ADAMTS17: variants seen among roughly 807,000 people sequenced by gnomAD.
ADAMTS17 encodes the protein ADAM metallopeptidase with thrombospondin type 1 motif 17.
A neutral mutation model predicts 141.5 loss-of-function variants in ADAMTS17; 113 were observed. That is an observed-to-expected ratio of 0.80 (90% CI 0.69 to 0.93). ADAMTS17 has a LOEUF of 0.93. Ranked by LOEUF, ADAMTS17 falls within the 40% of genes least tolerant of loss-of-function variation. The probability of loss-of-function intolerance (pLI) is 0.00; values close to 1 mark genes in which losing one functional copy is unlikely to be tolerated. For missense variants in ADAMTS17, 1,659 were observed against 1,517.9 expected (o/e 1.09, Z -1.54); for synonymous variants, 768 against 630.6 (o/e 1.22, Z -3.27).
At chr15:100,281,084 T>G (rs946510278) in intron 4 of ADAMTS17, 145 bp downstream of exon 4, 1 of 1,201,254 alleles carries the variant, frequency 8.3e-7, no homozygotes, top group African/African-American at 1.5e-5. Context: ...CCCTCCTCAA[T>G]GCCCAGAATT....
chr15:100,211,312 A>C, intron 7 of ADAMTS17, among the ~76,000 whole-genome samples: 1 of 150,556 alleles, frequency 6.6e-6, no homozygotes, highest in African/African-American at 2.4e-5. Flanking sequence ...AAAAAAAAAA[A>C]AAAAAAAAGT....
intron 19 of ADAMTS17, among the ~76,000 whole-genome samples, chr15:99,996,758 C>G (rs1292955559): frequency 6.6e-6 from 1 of 151,964 alleles, no homozygotes; most frequent in Non-Finnish European, 1.5e-5. Context: ...GGAAGCCTGC[C>G]CTTTATTCAG....
intron 2 of ADAMTS17, among the ~76,000 whole-genome samples, chr15:100,331,801 C>A (rs1466862174): frequency 2.6e-5 from 4 of 152,180 alleles, no homozygotes; most frequent in African/African-American, 9.7e-5. Context: ...ACCCCTGGTT[C>A]TCAAAGCCTA....
chr15:100,114,938 G>A (rs537697079), intron 13 of ADAMTS17, among the ~76,000 whole-genome samples: 2 of 152,360 alleles, frequency 1.3e-5, no homozygotes, highest in Admixed American at 1.3e-4. Flanking sequence ...GGATTTCTGT[G>A]CTGAATAAAT....
rs1224258811 is a variant in ADAMTS17 at position 99,997,466 on chromosome 15, G to A, written c.2715C>T (p.Cys905=). The change falls in exon 19 of 22, where the codon TGC becomes TGT. Residue 905 remains cysteine (C), a synonymous_variant. Coordinates refer to ENST00000268070, the MANE Select transcript of ADAMTS17 (RefSeq NM_139057.4). The surrounding 1 kb of genome is among the most constrained non-coding windows in gnomAD (Gnocchi z 4.7). ...GTHVATRPLY[C]PGPRPAAVQS... ...GCACTGCCGCCGGCCGGGGGCCCGG[G>A]CAGTAGAGGGGCCGCGTAGCGACGT... 1.2e-6 allele frequency: 2 copies of A among 1,613,472 alleles called. No individual in the cohort carries two copies. Among genetic ancestry groups the A allele is most frequent in the Non-Finnish European group, 1.7e-6 (2 of 1,179,986 alleles).
At chr15:100,130,498 A>G (rs2037983323) in intron 12 of ADAMTS17, among the ~76,000 whole-genome samples, 2 of 152,208 alleles carry the variant, frequency 1.3e-5, no homozygotes, top group South Asian at 4.1e-4. Flanking sequence ...TGCTGGGAAA[A>G]TGGTGCTCCT....
intron 10 of ADAMTS17, among the ~76,000 whole-genome samples, chr15:100,151,157 G>A (rs2039143917): frequency 6.6e-6 from 1 of 152,174 alleles, no homozygotes. Flanking sequence ...TCCAGTGGGA[G>A]GCTGACATGG....
At chr15:100,041,845 G>C (rs554466448) in intron 18 of ADAMTS17, among the ~76,000 whole-genome samples, 8 of 152,258 alleles carry the variant, frequency 5.3e-5, no homozygotes, top group African/African-American at 1.9e-4. Context: ...ATGGAAAAAG[G>C]GTTGAAGAAA....
chr15:100,052,159 TG>T (rs1159419397), intron 16 of ADAMTS17, among the ~76,000 whole-genome samples: 2 of 152,200 alleles, frequency 1.3e-5, no homozygotes, highest in Non-Finnish European at 2.9e-5. Flanking sequence ...TCAGAGCAAT[TG>T]GGGTGACTCT....
At chr15:100,254,448 TGAAAATGTTTTG>T (rs1044283025) in intron 6 of ADAMTS17, among the ~76,000 whole-genome samples, 9 of 152,194 alleles carry the variant, frequency 5.9e-5, no homozygotes, top group African/African-American at 2.2e-4. Flanking sequence ...TTTCAGCAGC[TGAAAATGTTTTG>T]GAAGATGTTT....
At chr15:100,244,592 C>T (rs966429179) in intron 7 of ADAMTS17, among the ~76,000 whole-genome samples, 20 of 152,058 alleles carry the variant, frequency 1.3e-4, no homozygotes, top group African/African-American at 4.3e-4. Context: ...TGCCTGTCCC[C>T]GCTTCTCATG....
rs559742348 is a variant in ADAMTS17, at chr15:100,091,413, T to C, written c.2137+4943A>G. Among the ~76,000 whole-genome samples, 48 of 152,260 alleles carry C rather than the reference T, an allele frequency of 3.2e-4. No homozygotes were observed. In the South Asian group the frequency reaches 8.1e-3, roughly 26 times the overall value. ...CAGGAGAAATCCAGTTACAGGAACA[T>C]GATTTGGTTTCATGAGGAAGCCATG... On this transcript the variant is annotated intron_variant, in intron 15 of 21. Coordinates refer to ENST00000268070, the MANE Select transcript of ADAMTS17 (RefSeq NM_139057.4).
intron 15 of ADAMTS17, among the ~76,000 whole-genome samples, chr15:100,072,779 T>C (rs1213209052): frequency 3.3e-5 from 5 of 152,138 alleles, no homozygotes; most frequent in African/African-American, 7.2e-5. Context: ...AAGACTTAAA[T>C]GTTAGATCTA....
At chr15:100,205,802 C>CA (rs2041524092) in intron 7 of ADAMTS17, among the ~76,000 whole-genome samples, 1 of 152,194 alleles carries the variant, frequency 6.6e-6, no homozygotes, top group South Asian at 2.1e-4. Flanking sequence ...GCCATTTCAG[C>CA]AAAGAGACAA....
At chr15:100,228,173 G>A (rs4401033) in intron 7 of ADAMTS17, among the ~76,000 whole-genome samples, 18,097 of 152,076 alleles carry the variant, frequency 0.12, 1,165 homozygotes, top group African/African-American at 0.14. Flanking sequence ...GCTCTTTCCC[G>A]AAATCTTTAC....
chr15:99,988,480 C>A (rs574202321), intron 20 of ADAMTS17, among the ~76,000 whole-genome samples: 8 of 152,216 alleles, frequency 5.3e-5, no homozygotes, highest in Non-Finnish European at 1.0e-4. Context: ...GCCAAATAAA[C>A]CTCTTTATCA....
intron 7 of ADAMTS17, among the ~76,000 whole-genome samples, chr15:100,200,365 C>A (rs1677871466): frequency 1.3e-5 from 2 of 152,022 alleles, no homozygotes; most frequent in South Asian, 4.1e-4. Context: ...CTGGGGAATG[C>A]TGGGAGGGCA....
chr15:100,146,761 C>T (rs965239686), intron 10 of ADAMTS17, among the ~76,000 whole-genome samples: 3 of 152,266 alleles, frequency 2.0e-5, no homozygotes, highest in African/African-American at 4.8e-5. Flanking sequence ...AAAGAGAATA[C>T]GTGCCTGGGG....
chr15:100,152,918 C>CT (rs1290404981), intron 9 of ADAMTS17, among the ~76,000 whole-genome samples, 156 bp from the exon 10 acceptor site: 1 of 30,746 alleles, frequency 3.3e-5, no homozygotes, highest in Non-Finnish European at 1.0e-4. Context: ...ACAGACTGCG[C>CT]TTTTTTGCTG....
Sources: allele counts gnomAD v4.1 joint callset (sites outside exome capture counted in the v4.1 genomes callset), GRCh38; gene constraint gnomAD v4.1.1; non-coding constraint Gnocchi (gnomAD v3.1); transcripts MANE v1.5; gene names NCBI Gene and HGNC (gene_info 2026-07-23, HGNC 2026-07-21).